SH2D4A: variants seen among roughly 807,000 people sequenced by gnomAD.
SH2D4A encodes the protein SH2 domain containing 4A.
SH2D4A carries 70 observed loss-of-function variants against 64.7 expected under a neutral mutation model. The observed-to-expected ratio is 1.08, with a 90% CI of 0.89 to 1.32. The LOEUF (loss-of-function observed/expected upper bound fraction) is 1.32, where lower values mean the gene tolerates loss of function less well. SH2D4A is among the 40% of genes most tolerant of loss of function. The pLI is 0.00. For missense variants in SH2D4A, 706 were observed against 540.1 expected (o/e 1.31, Z -3.04); for synonymous variants, 268 against 200.7 (o/e 1.34, Z -2.83).
At chr8:19,326,103 G>A (rs1461988518) in intron 2 of SH2D4A, among the ~76,000 whole-genome samples, 1 of 152,200 alleles carries the variant, frequency 6.6e-6, no homozygotes, top group Non-Finnish European at 1.5e-5. Flanking sequence ...GCCTAAACAA[G>A]TTTTGCCATC....
intron 1 of SH2D4A, 72 bp from the exon 2 acceptor site, chr8:19,319,272 T>C (rs558602366): frequency 9.2e-7 from 1 of 1,092,810 alleles, no homozygotes; most frequent in African/African-American, 1.6e-5. Flanking sequence ...TAGCTTTTTT[T>C]TTTAAACCCG....
chr8:19,345,518 A>C (rs1585164034), intron 4 of SH2D4A, among the ~76,000 whole-genome samples: 1 of 152,190 alleles, frequency 6.6e-6, no homozygotes, highest in Admixed American at 6.6e-5. Context: ...GTATGTGGCA[A>C]AGTCAACTCA....
intron 4 of SH2D4A, among the ~76,000 whole-genome samples, chr8:19,351,203 G>C (rs144758433): frequency 6.6e-6 from 1 of 152,182 alleles, no homozygotes; most frequent in Non-Finnish European, 1.5e-5. Context: ...TAAAATTGCT[G>C]AGAAGAGGAT....
rs189857158 is a variant in SH2D4A at position 19,332,890 on chromosome 8, A to G, written c.182-65A>G. 1.1e-5 allele frequency: 17 copies of G among 1,516,560 alleles called. No individual in the cohort carries two copies. In the African/African-American group the frequency reaches 1.8e-4, roughly 16 times the overall value. The allele number at this position is 1,516,560 out of a possible 1,614,324, so 93.9% of individuals were successfully genotyped here. A position where few individuals can be genotyped will look rare whatever the true frequency, so the allele number is the denominator to read the frequency against. On this transcript the variant is annotated intron_variant, in intron 2 of 9. Transcript: ENST00000265807. ...AGACCCAAAATACTTTAGTGATGGA[A>G]ACAGTAATCTGTGACTAAAGATATT... is the stretch of plus-strand genomic sequence containing the variant.
At chr8:19,391,830 C>G (rs1458184731) in intron 8 of SH2D4A, among the ~76,000 whole-genome samples, 2 of 152,182 alleles carry the variant, frequency 1.3e-5, no homozygotes, top group Non-Finnish European at 2.9e-5. Flanking sequence ...GACAAAAGGG[C>G]TATGGCAGCC....
chr8:19,349,316 TATAAG>T (rs2052661306), intron 4 of SH2D4A, among the ~76,000 whole-genome samples: 1 of 152,224 alleles, frequency 6.6e-6, no homozygotes, highest in Admixed American at 6.5e-5. Context: ...TAAAATCTTA[TATAAG>T]ATAGAATCAC....
At chr8:19,374,361 G>T (rs892384700) in intron 8 of SH2D4A, among the ~76,000 whole-genome samples, 1 of 152,250 alleles carries the variant, frequency 6.6e-6, no homozygotes, top group East Asian at 1.9e-4. Context: ...TCTTGCCTTA[G>T]TTGACTTCCA....
At chr8:19,371,956 G>T (rs918784458) in intron 7 of SH2D4A, among the ~76,000 whole-genome samples, 1 of 152,024 alleles carries the variant, frequency 6.6e-6, no homozygotes, top group Non-Finnish European at 1.5e-5. Flanking sequence ...CTTGAAGTTT[G>T]TTGAGCTTTC....
intron 2 of SH2D4A, among the ~76,000 whole-genome samples, chr8:19,324,967 C>T (rs1302980317): frequency 6.6e-6 from 1 of 152,156 alleles, no homozygotes. Context: ...ACCCAGATTG[C>T]CAAGCCAGAC....
intron 3 of SH2D4A, among the ~76,000 whole-genome samples, chr8:19,333,392 C>G (rs1274667144): frequency 6.6e-6 from 1 of 152,192 alleles, no homozygotes; most frequent in Non-Finnish European, 1.5e-5. Flanking sequence ...GCTGCTTCAT[C>G]TCCCTGCTTG....
At chr8:19,364,345 A>C in intron 7 of SH2D4A, 63 bp downstream of exon 7, 1 of 1,569,866 alleles carries the variant, frequency 6.4e-7, no homozygotes, top group South Asian at 1.1e-5. Context: ...TAAGCGTTGA[A>C]ATTAAAGGGG....
At chr8:19,351,569 T>C (rs7014955) in intron 4 of SH2D4A, among the ~76,000 whole-genome samples, 19,032 of 151,940 alleles carry the variant, frequency 0.13, 1,248 homozygotes, top group Middle Eastern at 0.18. Context: ...CACCACTGTA[T>C]TCCAGCCTGG....
At chr8:19,343,819 G>A (rs1215278485) in intron 4 of SH2D4A, among the ~76,000 whole-genome samples, 1 of 152,204 alleles carries the variant, frequency 6.6e-6, no homozygotes, top group African/African-American at 2.4e-5. Flanking sequence ...AAGAGCAGCA[G>A]TGAGTGCTCT....
chr8:19,350,105 A>G (rs1384326823), intron 4 of SH2D4A, among the ~76,000 whole-genome samples: 1 of 152,174 alleles, frequency 6.6e-6, no homozygotes, highest in Admixed American at 6.5e-5. Flanking sequence ...AAGATTCTGA[A>G]TATTTTCTCA....
intron 7 of SH2D4A, among the ~76,000 whole-genome samples, chr8:19,366,264 CAT>C (rs1387519563): frequency 6.6e-6 from 1 of 152,146 alleles, no homozygotes; most frequent in Non-Finnish European, 1.5e-5. Context: ...GTATAACTCA[CAT>C]ATGAATCACC....
chr8:19,352,286 T>G (rs1187355931), intron 4 of SH2D4A, among the ~76,000 whole-genome samples: 4 of 152,222 alleles, frequency 2.6e-5, no homozygotes, highest in Non-Finnish European at 4.4e-5. Context: ...ACTGTCATAC[T>G]TCTAAGTTTA....
intron 7 of SH2D4A, 115 bp downstream of exon 7, chr8:19,364,397 G>A (rs886493886): frequency 1.8e-6 from 2 of 1,135,946 alleles, no homozygotes; most frequent in Non-Finnish European, 2.5e-6. Flanking sequence ...CCAACTGGCA[G>A]CCTGTGTAAG....
At chr8:19,380,815 C>T (rs2053280886) in intron 8 of SH2D4A, among the ~76,000 whole-genome samples, 1 of 152,016 alleles carries the variant, frequency 6.6e-6, no homozygotes. Flanking sequence ...GTGACGTCTT[C>T]CTGTTTTTTC....
At chr8:19,317,393 C>T (rs767709016) in intron 1 of SH2D4A, among the ~76,000 whole-genome samples, 61 of 135,674 alleles carry the variant, frequency 4.5e-4, no homozygotes, top group Non-Finnish European at 8.0e-4. Context: ...CTGGGAAGGG[C>T]GTGATATTAC....
Sources: allele counts gnomAD v4.1 joint callset (sites outside exome capture counted in the v4.1 genomes callset), GRCh38; gene constraint gnomAD v4.1.1; transcripts MANE v1.5; gene names NCBI Gene and HGNC (gene_info 2026-07-23, HGNC 2026-07-21).